FBXO33: variants seen among roughly 807,000 people sequenced by gnomAD.
The protein encoded by FBXO33 is F-box protein 33, also known as F-box only protein 33.
Under a neutral mutation model 46.3 loss-of-function variants are expected in FBXO33, and 22 were observed. That is an observed-to-expected ratio of 0.48 (90% CI 0.34 to 0.68). The LOEUF is 0.68. Ranked by LOEUF, FBXO33 falls within the 30% of genes least tolerant of loss-of-function variation. FBXO33 has a pLI of 0.01. For synonymous variants in FBXO33, 337 were observed against 291.3 expected (o/e 1.16, Z -1.60); for missense variants, 692 against 708.8 (o/e 0.98, Z 0.27).
chr14:39,400,145 A>C (rs2075362081), intron 3 of FBXO33, among the ~76,000 whole-genome samples: 1 of 152,230 alleles, frequency 6.6e-6, no homozygotes, highest in African/African-American at 2.4e-5. Flanking sequence ...TTTTTAGTTC[A>C]TATATGCATG....
chr14:39,411,381 T>C (rs2075421617), intron 1 of FBXO33, among the ~76,000 whole-genome samples: 1 of 152,186 alleles, frequency 6.6e-6, no homozygotes, highest in Admixed American at 6.5e-5. Flanking sequence ...TGTGAGCCAC[T>C]GCGCCTGGCC....
At chr14:39,417,399 G>A (rs981649588) in intron 1 of FBXO33, among the ~76,000 whole-genome samples, 3 of 152,200 alleles carry the variant, frequency 2.0e-5, no homozygotes, top group Admixed American at 6.5e-5. Flanking sequence ...GCTAGTTTGC[G>A]GGAGAAGCTG....
chr14:39,428,232 G>A (rs1172212001), intron 1 of FBXO33, among the ~76,000 whole-genome samples: 1 of 151,996 alleles, frequency 6.6e-6, no homozygotes, highest in Non-Finnish European at 1.5e-5. Context: ...TTGAGACGGA[G>A]TCTGGCTCTG....
intron 1 of FBXO33, among the ~76,000 whole-genome samples, chr14:39,420,946 T>C (rs193100203): frequency 1.6e-3 from 250 of 152,334 alleles, no homozygotes; most frequent in African/African-American, 5.3e-3. Flanking sequence ...AGTTGCTGAA[T>C]ACTGCTGTTA....
rs938078250 is a variant in FBXO33 at position 39,432,084 on chromosome 14, A to G, written c.79T>C (p.Trp27Arg). The G allele has an allele frequency of 5.6e-6, 7 of 1,241,998 alleles. No individual in the cohort carries two copies. In the Admixed American group the frequency reaches 2.5e-4, roughly 45 times the overall value. The allele number at this position is 1,241,998 out of a possible 1,614,324, so 76.9% of individuals were successfully genotyped here. The change falls in exon 1 of 4, where the codon TGG becomes CGG. Residue 27 changes from tryptophan (W) to arginine (R), a missense_variant. Trp to Arg is a moderately radical substitution (Grantham distance 101). Transcript: ENST00000298097. ...TRAGAARVAR[W>R]RRLRLQQLRR... ...AGCTGCTGCAGCCGCAGCCGCCGCC[A>G]CCGCGCCACCCGGGCGGCCCCGGCT...
intron 3 of FBXO33, among the ~76,000 whole-genome samples, chr14:39,400,038 A>G (rs1213404781): frequency 6.6e-6 from 1 of 152,228 alleles, no homozygotes; most frequent in Non-Finnish European, 1.5e-5. Context: ...AGGTGATCTA[A>G]TCCTTTATGA....
At chr14:39,424,600 C>T (rs2075501833) in intron 1 of FBXO33, among the ~76,000 whole-genome samples, 2 of 152,186 alleles carry the variant, frequency 1.3e-5, no homozygotes, top group African/African-American at 4.8e-5. Flanking sequence ...TCTGAAACAA[C>T]ATATTTTCCC....
At chr14:39,420,063 T>G (rs1008094709) in intron 1 of FBXO33, among the ~76,000 whole-genome samples, 1 of 152,248 alleles carries the variant, frequency 6.6e-6, no homozygotes. Context: ...AAGCACATCC[T>G]TAAGCACTTA....
rs2075560014 is a variant in FBXO33, at chr14:39,431,973, G to T, written c.190C>A (p.Gln64Lys). 4.6e-6 allele frequency: 7 copies of T among 1,525,346 alleles called. No homozygotes were observed. The highest frequency in any genetic ancestry group is 2.0e-5 in the Admixed American group (1 of 49,554). The allele number at this position is 1,525,346 out of a possible 1,614,324, so 94.5% of individuals were successfully genotyped here. A position where few individuals can be genotyped will look rare whatever the true frequency, so the allele number is the denominator to read the frequency against. Residue 64 changes from glutamine to lysine, a missense_variant, in exon 1 of 4, where the codon CAG becomes AAG. This residue lies in a region of FBXO33 where 412 missense variants were observed against 370.8 expected (regional missense o/e 1.11). Coordinates refer to ENST00000298097, the MANE Select transcript of FBXO33 (RefSeq NM_203301.4). ...RRRGRMALCG[Q>K]AAGAASLPSE... is the part of the protein sequence containing the mutation. ...GGCAGCGACGCAGCGCCCGCCGCCT[G>T]CCCGCACAGAGCCATCCGGCCCCGC...
rs1567072048 is a variant in FBXO33 at position 39,401,281 on chromosome 14, C to T, written c.1291G>A (p.Val431Met). 2.5e-6 allele frequency: 4 copies of T among 1,614,090 alleles called. No homozygotes were observed. Among genetic ancestry groups the T allele is most frequent in the Non-Finnish European group, 3.4e-6 (4 of 1,180,016 alleles). The change falls in exon 3 of 4, where the codon GTG becomes ATG. Residue 431 changes from valine to methionine, a missense_variant. Coordinates refer to ENST00000298097, the MANE Select transcript of FBXO33 (RefSeq NM_203301.4). ...FLTHFILMND[V>M]IDTSGFPDLS... The stretch of plus-strand genomic sequence containing the variant: ...TCTGGAAAACCAGATGTGTCAATCA[C>T]ATCATTCATTAAAATAAAATGAGTG...
At position 39,401,295 on chromosome 14, in the gene FBXO33, A is replaced by C; in HGVS notation, c.1277T>G (p.Ile426Ser). 6.2e-7 allele frequency: 1 copy of C among 1,614,140 alleles called. No individual in the cohort carries two copies. The highest frequency in any genetic ancestry group is 8.5e-7 in the Non-Finnish European group (1 of 1,179,984). Residue 426 changes from isoleucine (I) to serine (S), a missense_variant, in exon 3 of 4, where the codon ATT becomes AGT. Ile to Ser is a moderately radical substitution (Grantham distance 142). This residue lies in a region of FBXO33 where 186 missense variants were observed against 246.1 expected (regional missense o/e 0.76). Coordinates refer to ENST00000298097, the MANE Select transcript of FBXO33 (RefSeq NM_203301.4). ...RQYDKFLTHF[I>S]LMNDVIDTSG... is the part of the protein sequence containing the mutation. ...TGTGTCAATCACATCATTCATTAAA[A>C]TAAAATGAGTGAGGAACTTGTCATA...
chr14:39,404,705 CA>C (rs1487809071), intron 1 of FBXO33, among the ~76,000 whole-genome samples: 1 of 152,114 alleles, frequency 6.6e-6, no homozygotes, highest in Non-Finnish European at 1.5e-5. Context: ...AAAGGAAAAG[CA>C]TTTGCAGCAC....
intron 1 of FBXO33, among the ~76,000 whole-genome samples, chr14:39,403,809 T>C (rs553965218): frequency 6.6e-6 from 1 of 151,734 alleles, no homozygotes; most frequent in Admixed American, 6.6e-5. Context: ...ATTTCTTTTT[T>C]TTTTTTTTTG....
chr14:39,401,245 T>TG lies in FBXO33; in HGVS notation c.1326dup (p.Asn443GlnfsTer4). 1 of 1,613,604 alleles carries TG rather than the reference T, an allele frequency of 6.2e-7. No homozygotes were observed. Among genetic ancestry groups the TG allele is most frequent in the Non-Finnish European group, 8.5e-7 (1 of 1,179,874 alleles). The stretch of plus-strand genomic sequence containing the variant: ...AAAACCAACGGATCTTCATTTCGGT[T>TG]GTCACTAAGATCTGGAAAACCAGAT... On this transcript the variant is annotated frameshift_variant, in exon 3 of 4. Transcript: ENST00000298097. LOFTEE classifies it high-confidence loss of function.
At position 39,398,473 on chromosome 14, in the gene FBXO33, T is replaced by TC. The variant is rs1162382131; in HGVS notation, c.*1042_*1043insG. ...GTGCATGTTTTTTTTTTCTTTTTTT[T>TC]TTTTTTTTGTTTTGTTTTTTCAGAG... On this transcript the variant is annotated 3_prime_UTR_variant, in exon 4 of 4. Transcript: ENST00000298097. 2 of 151,124 alleles carry TC rather than the reference T, an allele frequency of 1.3e-5. No individual in the cohort carries two copies. The highest frequency in any genetic ancestry group is 2.9e-5 in the Non-Finnish European group (2 of 67,798). 9.4% of individuals were successfully genotyped at this position (151,124 alleles called of 1,614,324 possible).
rs1791514306 is a variant in FBXO33 at position 39,432,405 on chromosome 14, G to C, written c.-243C>G. ...CTGTAAGGAAAAGGCAGCCCTCCCT[G>C]CGCCGGTCGGCAGAGACAGAGAAGT... On this transcript the variant is annotated 5_prime_UTR_variant, in exon 1 of 4. Transcript: ENST00000298097. 1 of 245,190 alleles carries C rather than the reference G, an allele frequency of 4.1e-6. No homozygotes were observed. The highest frequency in any genetic ancestry group is 7.7e-6 in the Non-Finnish European group (1 of 129,130). The allele number at this position is 245,190 out of a possible 1,614,324, so 15.2% of individuals were successfully genotyped here.
In FBXO33 at chr14:39,432,236, G is replaced by A; in HGVS notation, c.-74C>T. The A allele has an allele frequency of 8.7e-7, 1 of 1,143,556 alleles. No individual in the cohort carries two copies. Among genetic ancestry groups the A allele is most frequent in the Non-Finnish European group, 1.1e-6 (1 of 924,076 alleles). 70.8% of individuals were successfully genotyped at this position (1,143,556 alleles called of 1,614,324 possible). ...CAAGTAGAACACAAGTTGTGGAGAG[G>A]GGGAAAGGCCTCTGCGGGCGTGGCC... On this transcript the variant is annotated 5_prime_UTR_variant, in exon 1 of 4. Coordinates refer to ENST00000298097, the MANE Select transcript of FBXO33 (RefSeq NM_203301.4).
rs1336494651 is a variant in FBXO33 at position 39,399,308 on chromosome 14, C to T, written c.*208G>A. 2.5e-6 allele frequency: 1 copy of T among 395,154 alleles called. No homozygotes were observed. 24.5% of individuals were successfully genotyped at this position (395,154 alleles called of 1,614,324 possible). A position where few individuals can be genotyped will look rare whatever the true frequency, so the allele number is the denominator to read the frequency against. Reference sequence around the variant, plus strand: ...AAGGTTTGGTAACAAGTCCATTAACCGTGAAAGCCCTATACATTGTCACTT... The same window carrying T: ...AAGGTTTGGTAACAAGTCCATTAACTGTGAAAGCCCTATACATTGTCACTT... On this transcript the variant is annotated 3_prime_UTR_variant, in exon 4 of 4. Transcript: ENST00000298097.
chr14:39,427,872 C>T (rs2075523645), intron 1 of FBXO33, among the ~76,000 whole-genome samples: 2 of 152,064 alleles, frequency 1.3e-5, no homozygotes, highest in African/African-American at 4.8e-5. Context: ...CATTTGAGCC[C>T]AGGAATTTGA....
Sources: gnomAD v4.1 joint callset for allele counts (sites outside exome capture counted in the v4.1 genomes callset) on GRCh38, gnomAD v4.1.1 for gene constraint, gnomAD v4.1.1 regional missense constraint, MANE v1.5 for transcripts, NCBI Gene and HGNC (gene_info 2026-07-23, HGNC 2026-07-21) for gene names.